Variants in MYO1E observed in about 807,000 individuals in gnomAD.
The protein encoded by MYO1E is myosin IE.
MYO1E carries 68 observed loss-of-function variants against 151.1 expected under a neutral mutation model. The ratio of observed to expected loss-of-function variants is 0.45; its 90% CI spans 0.37 to 0.55. MYO1E has a LOEUF of 0.55. MYO1E is among the 20% of genes least tolerant of loss of function. The pLI is 0.00. For missense variants in MYO1E, 1,363 were observed against 1,389.3 expected, an observed-to-expected ratio of 0.98 and a Z score of 0.30; for synonymous variants, 601 against 501.7, an observed-to-expected ratio of 1.20 and a Z score of -2.64.
chr15:59,256,873 G>C (rs554171605), intron 3 of MYO1E, among the ~76,000 whole-genome samples: 1 of 152,270 alleles, frequency 6.6e-6, no homozygotes, highest in Admixed American at 6.5e-5. Context: ...AGGGAATTAG[G>C]TGAGATTATC....
chr15:59,299,661 C>T (rs934930173), intron 1 of MYO1E, among the ~76,000 whole-genome samples: 1 of 152,160 alleles, frequency 6.6e-6, no homozygotes, highest in Non-Finnish European at 1.5e-5. Context: ...CAATTCACTC[C>T]GAAGTGTGAA....
At chr15:59,341,016 C>CAAAAAAAAAAAAAAAAAA (rs35367694) in intron 1 of MYO1E, among the ~76,000 whole-genome samples, 5 of 86,274 alleles carry the variant, frequency 5.8e-5, no homozygotes, top group South Asian at 3.8e-4. Flanking sequence ...GACTCCATCT[C>CAAAAAAAAAAAAAAAAAA]AAAAAAAAAA....
At chr15:59,287,233 G>C (rs1181043989) in intron 1 of MYO1E, among the ~76,000 whole-genome samples, 1 of 152,126 alleles carries the variant, frequency 6.6e-6, no homozygotes, top group Non-Finnish European at 1.5e-5. Context: ...TCTTCTAATG[G>C]GCCTGCTAGG....
chr15:59,351,879 C>A (rs114324810), intron 1 of MYO1E, among the ~76,000 whole-genome samples: 2,410 of 152,320 alleles, frequency 0.016, 63 homozygotes, highest in African/African-American at 0.054. Flanking sequence ...AGCGCCAGGA[C>A]TGGAGTGTTC....
At chr15:59,222,973 G>C (rs751780791) in intron 9 of MYO1E, 86 bp downstream of exon 9, 2 of 1,573,852 alleles carry the variant, frequency 1.3e-6, no homozygotes, top group East Asian at 2.2e-5. Context: ...ATTCCCATTT[G>C]AGATCTAAGC....
At chr15:59,333,117 G>A (rs1345256945) in intron 1 of MYO1E, among the ~76,000 whole-genome samples, 1 of 152,142 alleles carries the variant, frequency 6.6e-6, no homozygotes, top group African/African-American at 2.4e-5. Context: ...CACAACTGAA[G>A]GACAATCCAC....
At chr15:59,140,318 A>G (rs954930734) in intron 26 of MYO1E, among the ~76,000 whole-genome samples, 12 of 152,178 alleles carry the variant, frequency 7.9e-5, no homozygotes, top group African/African-American at 2.9e-4. Context: ...ACTTGTTCCT[A>G]TTTAGTGAGA....
At chr15:59,242,595 T>C (rs937805727) in intron 4 of MYO1E, among the ~76,000 whole-genome samples, 5 of 152,180 alleles carry the variant, frequency 3.3e-5, no homozygotes, top group African/African-American at 1.2e-4. Flanking sequence ...AACAGATATA[T>C]CACCATTTGG....
intron 4 of MYO1E, among the ~76,000 whole-genome samples, chr15:59,255,651 T>C (rs573496884): frequency 1.3e-3 from 195 of 152,266 alleles, no homozygotes; most frequent in African/African-American, 4.4e-3. Flanking sequence ...GAAGAAGAAT[T>C]GTCTTGGGCC....
At chr15:59,213,399 G>C (rs1404406062) in intron 12 of MYO1E, among the ~76,000 whole-genome samples, 1 of 151,940 alleles carries the variant, frequency 6.6e-6, no homozygotes, top group African/African-American at 2.4e-5. Context: ...TCGAATTCCT[G>C]ACCTCAAGTG....
chr15:59,339,950 C>A (rs2080754043), intron 1 of MYO1E, among the ~76,000 whole-genome samples: 2 of 151,458 alleles, frequency 1.3e-5, no homozygotes, highest in Admixed American at 6.6e-5. Flanking sequence ...TGGGTTCAAG[C>A]AATTCTCCTG....
intron 9 of MYO1E, among the ~76,000 whole-genome samples, chr15:59,219,533 A>G (rs1448882632): frequency 6.6e-6 from 1 of 152,238 alleles, no homozygotes; most frequent in Admixed American, 6.5e-5. Context: ...ACACCTTCCA[A>G]TGAGATTAAG....
At position 59,259,336 on chromosome 15, in the gene MYO1E, A is replaced by G. The variant is rs567328792; in HGVS notation, c.237+2084T>C. Among the ~76,000 whole-genome samples the G allele has an allele frequency of 2.0e-5, 3 of 152,228 alleles. No homozygotes were observed. In the South Asian group the frequency reaches 6.2e-4, roughly 32 times the overall value. On this transcript the variant is annotated intron_variant, in intron 3 of 27. Transcript: ENST00000288235. ...CCTGGTCTGTTTCTTTAAAGTTTCG[A>G]TTATGTCACATGTAACATGAGTGAT...
intron 17 of MYO1E, among the ~76,000 whole-genome samples, chr15:59,191,901 G>A (rs1363835344): frequency 6.6e-6 from 1 of 152,074 alleles, no homozygotes; most frequent in Admixed American, 6.6e-5. Context: ...AATTGATCAG[G>A]GCTAGAGAAC....
chr15:59,253,323 C>T (rs533577733), intron 4 of MYO1E, among the ~76,000 whole-genome samples: 7 of 152,094 alleles, frequency 4.6e-5, no homozygotes, highest in Non-Finnish European at 1.0e-4. Context: ...TAGAAAACAA[C>T]GATTTTTCAA....
At chr15:59,353,356 C>CAAAAA (rs1205997737) in intron 1 of MYO1E, among the ~76,000 whole-genome samples, 4 of 57,542 alleles carry the variant, frequency 7.0e-5, no homozygotes, top group African/African-American at 1.8e-4. Flanking sequence ...GACCCTGTCT[C>CAAAAA]AAAAAAAAAA....
intron 1 of MYO1E, among the ~76,000 whole-genome samples, chr15:59,308,037 T>G (rs1388768435): frequency 6.8e-6 from 1 of 147,232 alleles, no homozygotes; most frequent in African/African-American, 2.5e-5. Context: ...GCCAACATGG[T>G]GAAACCCTGT....
intron 14 of MYO1E, chr15:59,207,585 T>G: frequency 6.2e-7 from 1 of 1,614,160 alleles, no homozygotes; most frequent in Non-Finnish European, 8.5e-7. Flanking sequence ...GTAATCTGGA[T>G]ACTGCTCGTT....
At chr15:59,325,768 G>T (rs1384178526) in intron 1 of MYO1E, among the ~76,000 whole-genome samples, 1 of 152,186 alleles carries the variant, frequency 6.6e-6, no homozygotes, top group Non-Finnish European at 1.5e-5. Flanking sequence ...ACAGGAGCAG[G>T]TGTCCATTTC....
Sources: allele counts gnomAD v4.1 joint callset (sites outside exome capture counted in the v4.1 genomes callset), GRCh38; gene constraint gnomAD v4.1.1; transcripts MANE v1.5; gene names NCBI Gene and HGNC (gene_info 2026-07-23, HGNC 2026-07-21).